ATAD1: variants seen among roughly 807,000 people sequenced by gnomAD.
ATAD1 encodes the protein ATPase family AAA domain containing 1, also known as outer mitochondrial transmembrane helix translocase.
A neutral mutation model predicts 42.7 loss-of-function variants in ATAD1; 18 were observed. The ratio of observed to expected loss-of-function variants is 0.42; its 90% CI spans 0.29 to 0.63. The LOEUF is 0.63. ATAD1 is among the 20% of genes least tolerant of loss of function. The pLI, the probability that ATAD1 is intolerant of heterozygous loss-of-function variation, is 0.19. For missense variants in ATAD1, 294 were observed against 440.4 expected, an observed-to-expected ratio of 0.67 and a Z score of 2.98; for synonymous variants, 132 against 143.1, an observed-to-expected ratio of 0.92 and a Z score of 0.55.
At chr10:87,810,610 A>G (rs780620471) in intron 2 of ATAD1, among the ~76,000 whole-genome samples, 4 of 152,246 alleles carry the variant, frequency 2.6e-5, no homozygotes, top group South Asian at 2.1e-4. Flanking sequence ...ATTTTCTCCA[A>G]TATCTTTGCC....
At chr10:87,754,847 T>C (rs1222336449) in intron 9 of ATAD1, 40 bp from the exon 10 acceptor site, 2 of 1,591,124 alleles carry the variant, frequency 1.3e-6, no homozygotes, top group Non-Finnish European at 8.6e-7. Flanking sequence ...CAAATAACTT[T>C]AGAATATGCC....
chr10:87,839,974 G>T (rs1288627436), intron 1 of ATAD1, among the ~76,000 whole-genome samples: 1 of 152,158 alleles, frequency 6.6e-6, no homozygotes, highest in Non-Finnish European at 1.5e-5. Flanking sequence ...GGTGGCCAGA[G>T]ACATGAATTA....
intron 6 of ATAD1, among the ~76,000 whole-genome samples, chr10:87,773,778 A>C (rs551294085): frequency 1.3e-5 from 2 of 152,154 alleles, no homozygotes; most frequent in Non-Finnish European, 2.9e-5. Context: ...CCCCTGCTGA[A>C]AATAGTTGAA....
intron 8 of ATAD1, among the ~76,000 whole-genome samples, chr10:87,764,610 A>G (rs1854648022): frequency 1.3e-5 from 2 of 152,238 alleles, no homozygotes; most frequent in Non-Finnish European, 2.9e-5. Flanking sequence ...CCACTGAGAT[A>G]TTATGTTTCT....
rs1253482600 is a variant in ATAD1 at position 87,833,083 on chromosome 10, C to G, written c.-14+8104G>C. ...TCTCCTCCCTCAGACTCCTGAGTAC[C>G]TGGTATTCTTCCAGTTCTGAACATA... On this transcript the variant is annotated intron_variant, in intron 1 of 4. Transcript: ENST00000495903. 5 of 152,302 alleles carry G rather than the reference C, an allele frequency of 3.3e-5. No homozygotes were observed. In the South Asian group the frequency reaches 1.0e-3, roughly 32 times the overall value. The allele number at this position is 152,302 out of a possible 1,614,324, so 9.4% of individuals were successfully genotyped here.
chr10:87,758,745 G>T (rs1206040810), intron 8 of ATAD1, among the ~76,000 whole-genome samples: 1 of 151,936 alleles, frequency 6.6e-6, no homozygotes, highest in Non-Finnish European at 1.5e-5. Context: ...ATTATATAAT[G>T]ATAAAAAAAA....
rs914211287 is a variant in ATAD1 at position 87,803,868 on chromosome 10, C to T, written c.162+10570G>A. Reference sequence around the variant, plus strand: ...GTTTTTTCTCCTCTGATTCCCAGCTCCTATTGCTTTTCTTTCCTCATCACT... The same window carrying T: ...GTTTTTTCTCCTCTGATTCCCAGCTTCTATTGCTTTTCTTTCCTCATCACT... On this transcript the variant is annotated intron_variant, in intron 2 of 9. Coordinates refer to ENST00000680024, the MANE Select transcript of ATAD1 (RefSeq NM_001321967.2). Among the ~76,000 whole-genome samples the T allele has an allele frequency of 2.2e-4, 34 of 152,324 alleles. 1 individual carries two copies. In the East Asian group the frequency reaches 6.6e-3, roughly 29 times the overall value.
chr10:87,767,655 T>A lies in ATAD1; in HGVS notation c.831+18A>T, dbSNP rs776006231. On this transcript the variant is annotated intron_variant, in intron 8 of 9. Transcript: ENST00000680024. ...TCAGATTTATAGGACGGGGAAAAAA[T>A]TTTTATTTTCTACTTACATTTTCAT... 1.9e-6 allele frequency: 3 copies of A among 1,597,912 alleles called. No individual in the cohort carries two copies. The highest frequency in any genetic ancestry group is 1.4e-5 in the African/African-American group (1 of 73,956).
upstream of ATAD1, among the ~76,000 whole-genome samples, chr10:87,820,725 A>G (rs535362961): frequency 1.1e-4 from 16 of 152,260 alleles, no homozygotes; most frequent in East Asian, 1.5e-3. Flanking sequence ...GCCTACACCT[A>G]TATGTTTTGG....
chr10:87,766,460 A>C (rs1854754401), intron 8 of ATAD1, among the ~76,000 whole-genome samples: 1 of 152,230 alleles, frequency 6.6e-6, no homozygotes, highest in South Asian at 2.1e-4. Context: ...AGATGCTAAT[A>C]TGGAAAGATC....
chr10:87,816,094 A>T (rs187464080), intron 1 of ATAD1, among the ~76,000 whole-genome samples: 124 of 152,262 alleles, frequency 8.1e-4, no homozygotes, highest in African/African-American at 2.9e-3. Context: ...ACACTATCTT[A>T]AAAAAGTCTT....
At chr10:87,782,984 GAAA>G (rs763169377) in intron 5 of ATAD1, among the ~76,000 whole-genome samples, 1 of 136,744 alleles carries the variant, frequency 7.3e-6, no homozygotes, top group African/African-American at 2.7e-5. Context: ...GACAGAGCGT[GAAA>G]AAAAAAAAAA....
At chr10:87,759,505 T>C (rs1169378193) in intron 8 of ATAD1, among the ~76,000 whole-genome samples, 1 of 152,198 alleles carries the variant, frequency 6.6e-6, no homozygotes, top group African/African-American at 2.4e-5. Flanking sequence ...TCTGAGATGT[T>C]AAAAATTAAA....
chr10:87,777,217 T>C (rs1448556352), intron 5 of ATAD1, among the ~76,000 whole-genome samples: 1 of 152,208 alleles, frequency 6.6e-6, no homozygotes, highest in Non-Finnish European at 1.5e-5. Context: ...CTAGGTCACC[T>C]GAACCCTATG....
At chr10:87,756,227 A>T (rs1854216861) in intron 9 of ATAD1, among the ~76,000 whole-genome samples, 1 of 152,202 alleles carries the variant, frequency 6.6e-6, no homozygotes, top group Non-Finnish European at 1.5e-5. Flanking sequence ...AAATTGTTAG[A>T]AGGCTGATAT....
At chr10:87,774,148 A>G (rs185916250) in intron 6 of ATAD1, among the ~76,000 whole-genome samples, 2 of 152,316 alleles carry the variant, frequency 1.3e-5, no homozygotes, top group East Asian at 3.9e-4. Context: ...GACTTATGCT[A>G]ATGCGGTGGG....
intron 8 of ATAD1, among the ~76,000 whole-genome samples, chr10:87,766,798 G>A (rs1436183801): frequency 1.3e-5 from 2 of 150,892 alleles, no homozygotes; most frequent in South Asian, 2.1e-4. Flanking sequence ...ACTACAGAGT[G>A]ACACTCTGCT....
intron 2 of ATAD1, among the ~76,000 whole-genome samples, chr10:87,806,046 G>C (rs1218056952): frequency 6.6e-6 from 1 of 152,086 alleles, no homozygotes; most frequent in African/African-American, 2.4e-5. Flanking sequence ...AGTGAGAAGA[G>C]GGATAACCAA....
chr10:87,781,716 C>T (rs768532967), intron 5 of ATAD1, among the ~76,000 whole-genome samples: 3 of 152,066 alleles, frequency 2.0e-5, no homozygotes, highest in Non-Finnish European at 4.4e-5. Flanking sequence ...CCTATGCTCA[C>T]TGAATATCCT....
Sources: gnomAD v4.1 joint callset for allele counts (sites outside exome capture counted in the v4.1 genomes callset) on GRCh38, gnomAD v4.1.1 for gene constraint, MANE v1.5 for transcripts, NCBI Gene and HGNC (gene_info 2026-07-23, HGNC 2026-07-21) for gene names.